The following GLIS3 variants were observed in gnomAD, a reference collection of about 807,000 sequenced individuals.
The protein encoded by GLIS3 is GLIS family zinc finger 3.
A neutral mutation model predicts 78.6 loss-of-function variants in GLIS3; 53 were observed. The ratio of observed to expected loss-of-function variants is 0.67; its 90% CI spans 0.54 to 0.85. The LOEUF (loss-of-function observed/expected upper bound fraction) is 0.85. GLIS3 is among the 40% of genes least tolerant of loss of function. GLIS3 has a pLI of 0.00. For missense variants in GLIS3, 1,703 were observed against 1,231.1 expected (o/e 1.38, Z -5.74); for synonymous variants, 684 against 509.9 (o/e 1.34, Z -4.60).
intron 8 of GLIS3, among the ~76,000 whole-genome samples, chr9:3,866,121 C>A (rs1053291076): frequency 6.6e-6 from 1 of 152,190 alleles, no homozygotes; most frequent in Admixed American, 6.5e-5. Flanking sequence ...ATTCTTGCTT[C>A]CATCCACATT....
the GLIS3 span, among the ~76,000 whole-genome samples, chr9:4,474,413 C>T: frequency 4.6e-5 from 7 of 152,086 alleles, no homozygotes; most frequent in Admixed American, 1.3e-4. Flanking sequence ...CAGAAACAGA[C>T]GCACACATAT....
chr9:3,985,596 C>T (rs1484557868), intron 4 of GLIS3, among the ~76,000 whole-genome samples: 1 of 152,204 alleles, frequency 6.6e-6, no homozygotes, highest in Non-Finnish European at 1.5e-5. Flanking sequence ...TCTTCTACCA[C>T]AGATTGTGTA....
At chr9:4,157,276 G>A (rs967313543) in intron 2 of GLIS3, among the ~76,000 whole-genome samples, 1 of 152,130 alleles carries the variant, frequency 6.6e-6, no homozygotes, top group African/African-American at 2.4e-5. Context: ...GTTTTGTTAG[G>A]GTTAGTCATC....
At chr9:4,366,654 G>T in the GLIS3 span, among the ~76,000 whole-genome samples, 1 of 152,244 alleles carries the variant, frequency 6.6e-6, no homozygotes, top group African/African-American at 2.4e-5. Flanking sequence ...ATGCTCAAGT[G>T]ATTGCGATGG....
At chr9:4,466,615 G>A in the GLIS3 span, among the ~76,000 whole-genome samples, 1 of 152,202 alleles carries the variant, frequency 6.6e-6, no homozygotes, top group African/African-American at 2.4e-5. Flanking sequence ...TACTGGAAAT[G>A]CAGGTTGGTG....
intron 4 of GLIS3, among the ~76,000 whole-genome samples, chr9:3,982,848 A>G (rs1819415592): frequency 6.6e-6 from 1 of 152,222 alleles, no homozygotes; most frequent in Admixed American, 6.5e-5. Context: ...GAAAGAAGGT[A>G]GGATAATTGA....
chr9:4,250,955 G>C (rs1824313485), intron 2 of GLIS3, among the ~76,000 whole-genome samples: 1 of 116,916 alleles, frequency 8.6e-6, no homozygotes, highest in South Asian at 3.5e-4. Context: ...GTTCTAATTT[G>C]ATTGCACTGT....
chr9:4,446,170 G>A, the GLIS3 span, among the ~76,000 whole-genome samples: 70 of 152,238 alleles, frequency 4.6e-4, no homozygotes, highest in Non-Finnish European at 9.1e-4. Context: ...AATTCATGTC[G>A]AAATTCTATG....
intron 4 of GLIS3, among the ~76,000 whole-genome samples, chr9:4,112,422 G>A (rs1378383654): frequency 6.6e-6 from 1 of 152,188 alleles, no homozygotes; most frequent in Non-Finnish European, 1.5e-5. Context: ...AGAAGTAACA[G>A]GGTAGGCTTT....
At chr9:3,864,179 G>C (rs201159070) in intron 8 of GLIS3, among the ~76,000 whole-genome samples, 2 of 152,134 alleles carry the variant, frequency 1.3e-5, no homozygotes, top group East Asian at 3.8e-4. Flanking sequence ...CATCTCTTGG[G>C]TTTCTCTGAG....
intron 2 of GLIS3, among the ~76,000 whole-genome samples, chr9:4,213,515 C>T (rs921502120): frequency 2.6e-5 from 4 of 152,184 alleles, no homozygotes; most frequent in Non-Finnish European, 5.9e-5. Context: ...CCACTAACTA[C>T]GTGTAAGCAC....
intron 4 of GLIS3, among the ~76,000 whole-genome samples, chr9:4,032,604 G>T (rs1054221281): frequency 6.6e-6 from 1 of 152,128 alleles, no homozygotes; most frequent in African/African-American, 2.4e-5. Flanking sequence ...TATTTCTAAT[G>T]TGCAACAAGG....
intron 1 of GLIS3, among the ~76,000 whole-genome samples, chr9:4,297,533 G>A (rs1460258878): frequency 1.3e-5 from 2 of 152,308 alleles, no homozygotes; most frequent in African/African-American, 4.8e-5. Flanking sequence ...CCCAACTCTC[G>A]GGAGATGCTG....
At chr9:3,937,615 C>G (rs1335685518) in intron 4 of GLIS3, among the ~76,000 whole-genome samples, 1 of 151,864 alleles carries the variant, frequency 6.6e-6, no homozygotes, top group African/African-American at 2.4e-5. Flanking sequence ...AAAAAAAAGT[C>G]AGAGTGATAT....
At chr9:4,218,360 G>A (rs1217705971) in intron 2 of GLIS3, among the ~76,000 whole-genome samples, 1 of 152,000 alleles carries the variant, frequency 6.6e-6, no homozygotes, top group East Asian at 1.9e-4. Flanking sequence ...CTCACTGCAA[G>A]CTCTGCCTCC....
chr9:3,991,029 AC>A (rs1282694606), intron 4 of GLIS3, among the ~76,000 whole-genome samples: 1 of 152,214 alleles, frequency 6.6e-6, no homozygotes, highest in African/African-American at 2.4e-5. Context: ...AAGGAACTTG[AC>A]AAGCACCTTA....
chr9:4,236,382 A>G (rs1822755187), intron 2 of GLIS3, among the ~76,000 whole-genome samples: 1 of 152,146 alleles, frequency 6.6e-6, no homozygotes, highest in Admixed American at 6.5e-5. Flanking sequence ...GCTCCAAACA[A>G]ACAGATTGCA....
chr9:4,293,197 G>A (rs1816177514), intron 1 of GLIS3, among the ~76,000 whole-genome samples: 1 of 152,094 alleles, frequency 6.6e-6, no homozygotes, highest in South Asian at 2.1e-4. Flanking sequence ...TATTTGCAAG[G>A]CTAAAAAATC....
At chr9:4,279,156 G>A (rs10814913) in intron 2 of GLIS3, among the ~76,000 whole-genome samples, 1 of 151,034 alleles carries the variant, frequency 6.6e-6, no homozygotes, top group African/African-American at 2.4e-5. Context: ...AAAAGTTTCC[G>A]GGCGTGGTGG....
Sources: gnomAD v4.1 joint callset for allele counts (sites outside exome capture counted in the v4.1 genomes callset) on GRCh38, gnomAD v4.1.1 for gene constraint, MANE v1.5 for transcripts, NCBI Gene and HGNC (gene_info 2026-07-23, HGNC 2026-07-21) for gene names.